PLEKHA8: variants seen among roughly 807,000 people sequenced by gnomAD.
PLEKHA8 encodes the protein pleckstrin homology domain containing A8.
A neutral mutation model predicts 68.2 loss-of-function variants in PLEKHA8; 36 were observed. That is an observed-to-expected ratio of 0.53 (90% CI 0.40 to 0.70). The LOEUF (loss-of-function observed/expected upper bound fraction) is 0.70, where lower values mean the gene tolerates loss of function less well. PLEKHA8 is among the 30% of genes least tolerant of loss of function. PLEKHA8 has a pLI of 0.00. For missense variants in PLEKHA8, 505 were observed against 615.4 expected (o/e 0.82, Z 1.90); for synonymous variants, 211 against 216.1 (o/e 0.98, Z 0.20).
chr7:30,083,512 T>A lies in PLEKHA8; in HGVS notation c.*4725T>A, dbSNP rs1795045790. On this transcript the variant is annotated 3_prime_UTR_variant, in exon 14 of 14. Coordinates refer to ENST00000449726, the MANE Select transcript of PLEKHA8 (RefSeq NM_001197026.2). ...GTGTACAGTGACTATTTGCATGATTTCTCATTGCACTGCTGCATTCAGGCA... is the reference window on the plus strand; with the variant it reads ...GTGTACAGTGACTATTTGCATGATTACTCATTGCACTGCTGCATTCAGGCA... The A allele has an allele frequency of 3.0e-6, 3 of 985,096 alleles. No individual in the cohort carries two copies. The South Asian group carries it at 1.4e-4, about 46-fold the overall frequency. 61.0% of individuals were successfully genotyped at this position (985,096 alleles called of 1,614,324 possible).
chr7:30,055,977 C>G (rs1792818401), intron 9 of PLEKHA8, among the ~76,000 whole-genome samples: 1 of 143,096 alleles, frequency 7.0e-6, no homozygotes, highest in African/African-American at 2.5e-5. Context: ...GAGTCTTGCT[C>G]TGTCACCCAG....
At chr7:30,059,077 C>G (rs1467738425) in intron 9 of PLEKHA8, among the ~76,000 whole-genome samples, 1 of 152,162 alleles carries the variant, frequency 6.6e-6, no homozygotes. Flanking sequence ...GCCGTGGCTG[C>G]ACCACTGCAC....
intron 13 of PLEKHA8, among the ~76,000 whole-genome samples, chr7:30,097,005 C>T (rs1395034425): frequency 6.6e-6 from 1 of 152,106 alleles, no homozygotes; most frequent in Non-Finnish European, 1.5e-5. Context: ...TTCAGGAGCT[C>T]TTTTAGGGCA....
At chr7:30,056,312 C>CTCTCTCTCTCTCTCTCTCTCTA (rs796845171) in intron 9 of PLEKHA8, among the ~76,000 whole-genome samples, 7 of 94,544 alleles carry the variant, frequency 7.4e-5, no homozygotes, top group African/African-American at 7.8e-5. Context: ...CTCTCTCTCT[C>CTCTCTCTCTCTCTCTCTCTCTA]TATATATATA....
At chr7:30,094,479 T>C (rs1795530147), downstream of PLEKHA8, among the ~76,000 whole-genome samples, 1 of 152,048 alleles carries the variant, frequency 6.6e-6, no homozygotes, top group African/African-American at 2.4e-5. Flanking sequence ...TTTCATCACA[T>C]TGGCCAGGCT....
chr7:30,118,034 G>A, intron 13 of PLEKHA8: 2 of 1,514,958 alleles, frequency 1.3e-6, no homozygotes, highest in Non-Finnish European at 1.8e-6. Flanking sequence ...GGTGCAGAGT[G>A]GCCTGCAGGA....
downstream of PLEKHA8, among the ~76,000 whole-genome samples, chr7:30,085,961 C>T (rs1370999073): frequency 2.0e-5 from 3 of 152,192 alleles, no homozygotes; most frequent in Admixed American, 6.5e-5. Flanking sequence ...TTCCTAGTTC[C>T]AGCTGTCTGG....
chr7:30,070,824 G>A lies in PLEKHA8; in HGVS notation c.1301-3247G>A, dbSNP rs928966518. Among the ~76,000 whole-genome samples, 8 of 152,240 alleles carry A rather than the reference G, an allele frequency of 5.3e-5. No individual in the cohort carries two copies. The East Asian group carries it at 7.7e-4, about 15-fold the overall frequency. The stretch of plus-strand genomic sequence containing the variant: ...CTCCCAAAGTGCTGGGATTATAGGC[G>A]TGAGCCACCACCGTGCCTGGCCCAG... On this transcript the variant is annotated intron_variant, in intron 12 of 13. Coordinates refer to ENST00000449726, the MANE Select transcript of PLEKHA8 (RefSeq NM_001197026.2).
At chr7:30,064,424 TC>T (rs1421321464) in intron 12 of PLEKHA8, among the ~76,000 whole-genome samples, 1 of 152,090 alleles carries the variant, frequency 6.6e-6, no homozygotes, top group African/African-American at 2.4e-5. Context: ...GTGCCTGTAG[TC>T]CCAGCTACTT....
chr7:30,046,453 C>T (rs2127972647), intron 3 of PLEKHA8, 88 bp downstream of exon 3: 1 of 1,420,138 alleles, frequency 7.0e-7, no homozygotes, highest in Non-Finnish European at 9.4e-7. Context: ...TTGCTTCTGA[C>T]CACCTAGCCA....
downstream of PLEKHA8, among the ~76,000 whole-genome samples, chr7:30,087,279 A>G (rs1562542094): frequency 6.6e-6 from 1 of 152,038 alleles, no homozygotes; most frequent in Non-Finnish European, 1.5e-5. Context: ...TTACTGGGGG[A>G]AATGTGATGA....
At chr7:30,055,133 G>C in intron 8 of PLEKHA8, 124 bp from the exon 9 acceptor site, 1 of 856,938 alleles carries the variant, frequency 1.2e-6, no homozygotes. Flanking sequence ...ACAGTTACTG[G>C]GGCATATCAA....
chr7:30,091,669 A>G (rs1795420783), downstream of PLEKHA8, among the ~76,000 whole-genome samples: 1 of 152,220 alleles, frequency 6.6e-6, no homozygotes, highest in African/African-American at 2.4e-5. Flanking sequence ...ATGGAAAATT[A>G]GGGAAAAAAA....
downstream of PLEKHA8, among the ~76,000 whole-genome samples, chr7:30,094,890 G>A (rs1284212720): frequency 2.0e-5 from 3 of 152,106 alleles, no homozygotes; most frequent in Non-Finnish European, 2.9e-5. Context: ...ATTCCATGGT[G>A]TATATGTGCC....
chr7:30,092,036 G>T (rs138922677), downstream of PLEKHA8, among the ~76,000 whole-genome samples: 1,355 of 152,240 alleles, frequency 8.9e-3, 16 homozygotes, highest in Middle Eastern at 0.024. Context: ...ATGTATGTGA[G>T]CAACTAAGGA....
intron 13 of PLEKHA8, among the ~76,000 whole-genome samples, chr7:30,123,798 A>C (rs1796731144): frequency 6.6e-6 from 1 of 152,198 alleles, no homozygotes; most frequent in African/African-American, 2.4e-5. Context: ...CTGGGCACCT[A>C]GATTTAGCCA....
At chr7:30,058,556 C>A (rs76045355) in intron 9 of PLEKHA8, among the ~76,000 whole-genome samples, 1,564 of 150,614 alleles carry the variant, frequency 0.01, 18 homozygotes, top group East Asian at 0.04. Context: ...ATTGCTTTGG[C>A]AGCTCTGTCA....
downstream of PLEKHA8, among the ~76,000 whole-genome samples, chr7:30,095,327 T>G (rs181874304): frequency 6.6e-6 from 1 of 152,392 alleles, no homozygotes; most frequent in Admixed American, 6.5e-5. Flanking sequence ...TGTCTTCTTT[T>G]GGGAAGTGTC....
chr7:30,055,426 CTA>C (rs1792766863), intron 9 of PLEKHA8, 84 bp downstream of exon 9: 36 of 1,187,506 alleles, frequency 3.0e-5, no homozygotes, highest in Non-Finnish European at 4.4e-5. Flanking sequence ...ATACCCCAAA[CTA>C]TGTGTACAGT....
Sources: gnomAD v4.1 joint callset for allele counts (sites outside exome capture counted in the v4.1 genomes callset) on GRCh38, gnomAD v4.1.1 for gene constraint, MANE v1.5 for transcripts, NCBI Gene and HGNC (gene_info 2026-07-23, HGNC 2026-07-21) for gene names.